ZBTB7C: variants seen among roughly 807,000 people sequenced by gnomAD.
ZBTB7C encodes zinc finger and BTB domain containing 7C, also known as zinc finger and BTB domain-containing protein 7C.
In ZBTB7C, 8 loss-of-function variants were observed where a neutral mutation model predicts 25.7. That is an observed-to-expected ratio of 0.31 (90% CI 0.18 to 0.56). ZBTB7C has a LOEUF of 0.56. ZBTB7C is among the 20% of genes least tolerant of loss of function. ZBTB7C has a pLI of 0.91. For synonymous variants in ZBTB7C, 394 were observed against 369.0 expected, an observed-to-expected ratio of 1.07 and a Z score of -0.78; for missense variants, 824 against 855.2, an observed-to-expected ratio of 0.96 and a Z score of 0.46.
intron 1 of ZBTB7C, among the ~76,000 whole-genome samples, chr18:48,352,602 G>A (rs1055152189): frequency 6.6e-6 from 1 of 152,100 alleles, no homozygotes; most frequent in Non-Finnish European, 1.5e-5. Context: ...TGACCAGGGT[G>A]AGCAGGCTGG....
At chr18:48,032,422 G>GTTTTTTTTTTTTTT (rs71165309) in intron 4 of ZBTB7C, among the ~76,000 whole-genome samples, 1 of 65,060 alleles carries the variant, frequency 1.5e-5, no homozygotes, top group African/African-American at 6.4e-5. Flanking sequence ...GACAAGGTAG[G>GTTTTTTTTTTTTTT]TTTTTTTTTT....
intron 3 of ZBTB7C, among the ~76,000 whole-genome samples, chr18:48,157,502 C>T (rs374643715): frequency 5.9e-5 from 9 of 152,238 alleles, no homozygotes; most frequent in Non-Finnish European, 1.2e-4. Context: ...AGTGACCACT[C>T]GACAGTTAAT....
At chr18:48,294,110 C>G (rs1188111004) in intron 2 of ZBTB7C, among the ~76,000 whole-genome samples, 1 of 152,358 alleles carries the variant, frequency 6.6e-6, no homozygotes, top group South Asian at 2.1e-4. Context: ...TGGCGTGGTT[C>G]AGCATGCACC....
intron 3 of ZBTB7C, among the ~76,000 whole-genome samples, chr18:48,082,051 G>A (rs968104750): frequency 6.6e-6 from 1 of 152,194 alleles, no homozygotes; most frequent in East Asian, 1.9e-4. Context: ...CTATAGGACA[G>A]TGTTGGTCTA....
At chr18:48,073,188 C>T (rs1304591737) in intron 3 of ZBTB7C, among the ~76,000 whole-genome samples, 1 of 152,170 alleles carries the variant, frequency 6.6e-6, no homozygotes, top group Non-Finnish European at 1.5e-5. Flanking sequence ...CGCTTTCTTT[C>T]TTGTCCCCTC....
At chr18:48,352,543 C>T (rs2046889223) in intron 1 of ZBTB7C, among the ~76,000 whole-genome samples, 1 of 152,116 alleles carries the variant, frequency 6.6e-6, no homozygotes, top group Admixed American at 6.5e-5. Context: ...TCTGCTTGGC[C>T]AGCCAGGGAT....
At chr18:48,196,040 C>G (rs1353620374) in intron 2 of ZBTB7C, among the ~76,000 whole-genome samples, 1 of 152,202 alleles carries the variant, frequency 6.6e-6, no homozygotes, top group Admixed American at 6.5e-5. Context: ...TCTTGGACAG[C>G]AGCCTTCCTG....
At chr18:48,339,844 G>C (rs751402569) in intron 1 of ZBTB7C, among the ~76,000 whole-genome samples, 2 of 152,182 alleles carry the variant, frequency 1.3e-5, no homozygotes, top group South Asian at 2.1e-4. Flanking sequence ...CTAGTTAACA[G>C]GAGCGGCTCA....
At chr18:48,222,158 C>T (rs2042979858) in intron 2 of ZBTB7C, among the ~76,000 whole-genome samples, 1 of 152,144 alleles carries the variant, frequency 6.6e-6, no homozygotes, top group African/African-American at 2.4e-5. Context: ...CTCTAGCCTC[C>T]CATCTATCCT....
At chr18:48,088,424 G>C (rs2038276919) in intron 3 of ZBTB7C, 1 of 152,034 alleles carries the variant, frequency 6.6e-6, no homozygotes, top group Non-Finnish European at 1.5e-5. Context: ...ATACATTCTA[G>C]TCAAAGAAAC....
At chr18:48,216,709 A>C (rs2042832672) in intron 2 of ZBTB7C, among the ~76,000 whole-genome samples, 1 of 152,104 alleles carries the variant, frequency 6.6e-6, no homozygotes, top group Non-Finnish European at 1.5e-5. Flanking sequence ...CACTCTGTGC[A>C]TCCTGAGCCC....
chr18:48,272,065 A>C (rs1020149321), intron 2 of ZBTB7C, among the ~76,000 whole-genome samples: 8 of 152,166 alleles, frequency 5.3e-5, no homozygotes, highest in Non-Finnish European at 8.8e-5. Flanking sequence ...ATGATGGTTA[A>C]TTTTTTTATG....
intron 3 of ZBTB7C, among the ~76,000 whole-genome samples, chr18:48,184,990 C>T (rs12457785): frequency 0.21 from 31,761 of 152,034 alleles, 3,573 homozygotes; most frequent in South Asian, 0.28. Flanking sequence ...GTGGAGTGGC[C>T]GACAAACAGG....
chr18:48,345,135 C>T (rs2046697638), intron 1 of ZBTB7C, among the ~76,000 whole-genome samples: 1 of 152,196 alleles, frequency 6.6e-6, no homozygotes, highest in African/African-American at 2.4e-5. Context: ...CTGGTGCTAT[C>T]ACCTCTCACT....
chr18:48,222,591 C>T (rs974894559), intron 2 of ZBTB7C, among the ~76,000 whole-genome samples: 2 of 152,166 alleles, frequency 1.3e-5, no homozygotes, highest in Admixed American at 6.5e-5. Context: ...TTGCCTGCTG[C>T]CTCCCAAATC....
intron 2 of ZBTB7C, among the ~76,000 whole-genome samples, chr18:48,320,899 C>A (rs2046076025): frequency 6.6e-6 from 1 of 152,252 alleles, no homozygotes; most frequent in African/African-American, 2.4e-5. Context: ...CTTCCCCACC[C>A]AGGGCCTGCC....
intron 2 of ZBTB7C, among the ~76,000 whole-genome samples, chr18:48,325,686 C>T (rs1387153519): frequency 6.6e-6 from 1 of 152,200 alleles, no homozygotes; most frequent in Non-Finnish European, 1.5e-5. Context: ...ATATCCAAGG[C>T]CTGAGGATTT....
At chr18:48,282,518 C>T (rs1290778573) in intron 2 of ZBTB7C, among the ~76,000 whole-genome samples, 1 of 151,974 alleles carries the variant, frequency 6.6e-6, no homozygotes, top group African/African-American at 2.4e-5. Context: ...GTATATATAG[C>T]TAACACAAAT....
chr18:48,223,311 T>C (rs1328683299), intron 2 of ZBTB7C, among the ~76,000 whole-genome samples: 1 of 151,944 alleles, frequency 6.6e-6, no homozygotes, highest in East Asian at 1.9e-4. Context: ...GAGGTGAAAA[T>C]TCCCCCCATA....
Sources: gnomAD v4.1 joint callset for allele counts (sites outside exome capture counted in the v4.1 genomes callset) on GRCh38, gnomAD v4.1.1 for gene constraint, MANE v1.5 for transcripts, NCBI Gene and HGNC (gene_info 2026-07-23, HGNC 2026-07-21) for gene names.